Variants in DCAF1 observed in about 807,000 individuals in gnomAD.
The protein encoded by DCAF1 is DDB1- and CUL4-associated factor 1.
In DCAF1, 15 loss-of-function variants were observed where a neutral mutation model predicts 128.0. That is an observed-to-expected ratio of 0.12 (90% confidence interval 0.08 to 0.18). DCAF1 has a LOEUF of 0.18. DCAF1 is among the 10% of genes least tolerant of loss of function. The pLI is 1.00. For missense variants in DCAF1, 988 were observed against 1,649.5 expected, an observed-to-expected ratio of 0.60 and a Z score of 6.95; for synonymous variants, 610 against 603.0, an observed-to-expected ratio of 1.01 and a Z score of -0.17.
intron 3 of DCAF1, among the ~76,000 whole-genome samples, chr3:51,478,847 A>G (rs1705805689): frequency 6.6e-6 from 1 of 152,150 alleles, no homozygotes; most frequent in South Asian, 2.1e-4. Flanking sequence ...CCAGTCAGCA[A>G]TAATCCTGTT....
At chr3:51,422,024 A>G (rs1476481415) in intron 14 of DCAF1, among the ~76,000 whole-genome samples, 1 of 152,174 alleles carries the variant, frequency 6.6e-6, no homozygotes, top group Non-Finnish European at 1.5e-5. Context: ...ATACCATTAT[A>G]GCAGAAATGC....
At chr3:51,501,416 C>T (rs1406267522), upstream of DCAF1, among the ~76,000 whole-genome samples, 1 of 152,128 alleles carries the variant, frequency 6.6e-6, no homozygotes, top group Non-Finnish European at 1.5e-5. Context: ...AGCAGAATCT[C>T]GACCTGACAA....
At chr3:51,423,056 A>G (rs1699557092) in intron 13 of DCAF1, among the ~76,000 whole-genome samples, 1 of 152,110 alleles carries the variant, frequency 6.6e-6, no homozygotes, top group Non-Finnish European at 1.5e-5. Flanking sequence ...CAACAGAGTG[A>G]GAGCCTGTCT....
chr3:51,488,713 G>A (rs1217862379), intron 2 of DCAF1, among the ~76,000 whole-genome samples: 6 of 152,110 alleles, frequency 3.9e-5, no homozygotes, highest in African/African-American at 1.4e-4. Flanking sequence ...TGAGGCAGGA[G>A]AATCGCTTGA....
the DCAF1 span, among the ~76,000 whole-genome samples, chr3:51,505,495 C>T: frequency 6.6e-6 from 1 of 152,266 alleles, no homozygotes; most frequent in East Asian, 1.9e-4. Flanking sequence ...ACGGGAGTTT[C>T]TAGGTGTAGA....
chr3:51,414,132 C>A, intron 19 of DCAF1, 89 bp from the exon 20 acceptor site: 1 of 1,439,214 alleles, frequency 6.9e-7, no homozygotes, highest in South Asian at 1.6e-5. Context: ...TTTTTTTCCT[C>A]CTGCCAGGTA....
In DCAF1 at chr3:51,443,869, C is replaced by T. The variant is rs782672585; in HGVS notation, c.410G>A (p.Arg137Gln). 8.1e-6 allele frequency: 13 copies of T among 1,608,180 alleles called. No homozygotes were observed. The highest frequency in any genetic ancestry group is 5.4e-5 in the African/African-American group (4 of 74,664). ...GIVENLFKWA[R>Q]EADQPLRTYS... is the part of the protein sequence containing the mutation. ...TGTCCTCAATGGTTGATCGGCCTCT[C>T]GGGCCCATTTGAAAAGATTCTCGAC... The change falls in exon 7 of 25, where the codon CGA becomes CAA. Residue 137 changes from arginine to glutamine, a missense_variant. Coordinates refer to ENST00000684031, the MANE Select transcript of DCAF1 (RefSeq NM_001387579.1).
At chr3:51,413,747 C>T (rs1698637523) in intron 20 of DCAF1, among the ~76,000 whole-genome samples, 1 of 152,192 alleles carries the variant, frequency 6.6e-6, no homozygotes. Flanking sequence ...TTGTTATCTT[C>T]AAAGTAAGCT....
At chr3:51,460,054 C>CA (rs1340913582) in intron 6 of DCAF1, among the ~76,000 whole-genome samples, 1 of 152,086 alleles carries the variant, frequency 6.6e-6, no homozygotes, top group Non-Finnish European at 1.5e-5. Flanking sequence ...GAGTTCTGGC[C>CA]AGGGCAATCA....
intron 3 of DCAF1, among the ~76,000 whole-genome samples, chr3:51,471,893 C>T (rs1704800889): frequency 6.6e-6 from 1 of 151,900 alleles, no homozygotes; most frequent in Admixed American, 6.6e-5. Flanking sequence ...TTCCTTTTCT[C>T]CTCCCTCTCC....
intron 5 of DCAF1, among the ~76,000 whole-genome samples, chr3:51,463,784 AAAC>A (rs1229371293): frequency 2.0e-4 from 30 of 152,056 alleles, no homozygotes; most frequent in South Asian, 6.2e-4. Flanking sequence ...GTCTCCAAAA[AAAC>A]AACAACAACA....
rs751977955 is a variant in DCAF1, at chr3:51,438,601, ATTATT to A, written c.1128+2364_1128+2368del. On this transcript the variant is annotated intron_variant, in intron 9 of 24. Transcript: ENST00000684031. ...AGTTATTTTAAGTGAGACTGTGAAT[ATTATT>A]TTCTTTTGGCTTTCAGGATTGTTAC... Among the ~76,000 whole-genome samples the A allele has an allele frequency of 4.0e-3, 609 of 152,282 alleles. 9 individuals carry two copies. Among genetic ancestry groups the A allele is most frequent in the Non-Finnish European group, 5.2e-3 (355 of 68,014 alleles).
rs1342102552 is a variant in DCAF1 at position 51,483,013 on chromosome 3, C to T, written c.110+706G>A. Reference sequence around the variant, plus strand: ...AATTAGCTGGGCGTGGTGACAAACGCCTGTAATCCCAGCTACTCAGGAGGC... The same window carrying T: ...AATTAGCTGGGCGTGGTGACAAACGTCTGTAATCCCAGCTACTCAGGAGGC... On this transcript the variant is annotated intron_variant, in intron 3 of 24. Coordinates refer to ENST00000684031, the MANE Select transcript of DCAF1 (RefSeq NM_001387579.1). Among the ~76,000 whole-genome samples the T allele has an allele frequency of 3.3e-5, 5 of 150,540 alleles. No individual in the cohort carries two copies. In the East Asian group the frequency reaches 7.8e-4, roughly 24 times the overall value.
Position 51,414,601 on chromosome 3 carries a change from T to C in DCAF1, c.3837+23A>G, listed in dbSNP as rs782639189. The C allele has an allele frequency of 3.7e-6, 6 of 1,604,732 alleles. No homozygotes were observed. In the Admixed American group the frequency reaches 1.0e-4, roughly 27 times the overall value. On this transcript the variant is annotated intron_variant, in intron 19 of 24. Coordinates refer to ENST00000684031, the MANE Select transcript of DCAF1 (RefSeq NM_001387579.1). ...CACAAACCAGACAACAAATGGAAGG[T>C]AAGACATGAGTATAAAGGATACAAT...
chr3:51,407,250 AAT>A (rs1553626972), intron 23 of DCAF1, among the ~76,000 whole-genome samples: 63 of 152,256 alleles, frequency 4.1e-4, no homozygotes, highest in Middle Eastern at 3.4e-3. Flanking sequence ...TAAATGTATA[AAT>A]GCCTACTTTT....
chr3:51,422,164 T>C, intron 14 of DCAF1, 143 bp downstream of exon 14: 1 of 599,604 alleles, frequency 1.7e-6, no homozygotes, highest in South Asian at 2.0e-5. Flanking sequence ...ATGGTACTCC[T>C]TATAAAGGAC....
chr3:51,469,304 C>T (rs2108180174), intron 4 of DCAF1, among the ~76,000 whole-genome samples: 1 of 143,904 alleles, frequency 6.9e-6, no homozygotes, highest in South Asian at 2.2e-4. Flanking sequence ...GATCTTGGCT[C>T]ACCGCAACCT....
At chr3:51,455,056 C>T (rs1414006032) in intron 6 of DCAF1, among the ~76,000 whole-genome samples, 1 of 152,170 alleles carries the variant, frequency 6.6e-6, no homozygotes, top group African/African-American at 2.4e-5. Context: ...CTAACACTTA[C>T]TCTTATTTGA....
At chr3:51,484,460 A>G (rs1366256094) in intron 2 of DCAF1, among the ~76,000 whole-genome samples, 1 of 151,844 alleles carries the variant, frequency 6.6e-6, no homozygotes, top group Non-Finnish European at 1.5e-5. Flanking sequence ...GCGACAGAGC[A>G]AGACTCCGTC....
Sources: gnomAD v4.1 joint callset for allele counts (sites outside exome capture counted in the v4.1 genomes callset) on GRCh38, gnomAD v4.1.1 for gene constraint, MANE v1.5 for transcripts, NCBI Gene and HGNC (gene_info 2026-07-23, HGNC 2026-07-21) for gene names.